The following PLEKHA6 variants were observed in gnomAD, a reference collection of about 807,000 sequenced individuals.
The protein encoded by PLEKHA6 is pleckstrin homology domain containing A6.
In PLEKHA6, 60 loss-of-function variants were observed where a neutral mutation model predicts 116.7. The ratio of observed to expected loss-of-function variants is 0.51; its 90% CI spans 0.42 to 0.64. PLEKHA6 has a LOEUF of 0.64. PLEKHA6 is among the 30% of genes least tolerant of loss of function. The pLI is 0.00. For synonymous variants in PLEKHA6, 489 were observed against 556.1 expected, an observed-to-expected ratio of 0.88 and a Z score of 1.70; for missense variants, 1,338 against 1,422.7, an observed-to-expected ratio of 0.94 and a Z score of 0.96.
chr1:204,244,387 C>T (rs147721541), intron 15 of PLEKHA6, among the ~76,000 whole-genome samples: 405 of 152,042 alleles, frequency 2.7e-3, no homozygotes, highest in Non-Finnish European at 4.7e-3. Flanking sequence ...GCGATCCACC[C>T]GCCTTGGCCT....
chr1:204,255,302 C>T (rs1017117375), intron 9 of PLEKHA6, among the ~76,000 whole-genome samples: 1 of 152,134 alleles, frequency 6.6e-6, no homozygotes, highest in African/African-American at 2.4e-5. Context: ...TCTGCGACTC[C>T]CTCCTCTCGC....
In PLEKHA6 at chr1:204,316,103, G is replaced by A. The variant is rs538819439; in HGVS notation, c.-94-41294C>T. Among the ~76,000 whole-genome samples, 6 of 152,330 alleles carry A rather than the reference G, an allele frequency of 3.9e-5. No individual in the cohort carries two copies. The East Asian group carries it at 9.6e-4, about 24-fold the overall frequency. ...CGATGCATGTAATGCAATGCGCGAGGTGGCTCCCGCTCAATAAATATTTTC... is the reference window on the plus strand; with the variant it reads ...CGATGCATGTAATGCAATGCGCGAGATGGCTCCCGCTCAATAAATATTTTC... On this transcript the variant is annotated intron_variant, in intron 1 of 22. Coordinates refer to ENST00000272203, the MANE Select transcript of PLEKHA6 (RefSeq NM_014935.5).
At chr1:204,256,237 C>G (rs1665264931) in intron 9 of PLEKHA6, among the ~76,000 whole-genome samples, 1 of 152,052 alleles carries the variant, frequency 6.6e-6, no homozygotes, top group Non-Finnish European at 1.5e-5. Flanking sequence ...CCTCCCCAAC[C>G]CTCCCAAGTG....
At chr1:204,281,000 A>G (rs938629564) in intron 1 of PLEKHA6, 2 of 984,736 alleles carry the variant, frequency 2.0e-6, no homozygotes, top group Admixed American at 1.2e-4. Flanking sequence ...ACTTCTAGGT[A>G]TTTGCAGGTG....
chr1:204,374,882 C>A (rs1277322676), intron 1 of PLEKHA6, among the ~76,000 whole-genome samples: 1 of 152,186 alleles, frequency 6.6e-6, no homozygotes, highest in Non-Finnish European at 1.5e-5. Context: ...GTTCCCAGCT[C>A]TCTCCTGAAA....
chr1:204,256,838 G>A, intron 9 of PLEKHA6: 1 of 665,802 alleles, frequency 1.5e-6, no homozygotes. Flanking sequence ...GTGGGTAGTT[G>A]TAGGGGAACA....
At chr1:204,254,618 G>A (rs1261507171) in intron 9 of PLEKHA6, among the ~76,000 whole-genome samples, 1 of 152,092 alleles carries the variant, frequency 6.6e-6, no homozygotes, top group Non-Finnish European at 1.5e-5. Context: ...CAACCTCTCT[G>A]TGCTTTAGTT....
At position 204,245,649 on chromosome 1, in the gene PLEKHA6, G is replaced by A; in HGVS notation, c.1998C>T (p.Asn666=). 2 of 1,613,452 alleles carry A rather than the reference G, an allele frequency of 1.2e-6. No homozygotes were observed. Among genetic ancestry groups the A allele is most frequent in the Non-Finnish European group, 1.7e-6 (2 of 1,179,566 alleles). The change falls in exon 14 of 23, where the codon AAC becomes AAT. Residue 666 remains asparagine (N), a synonymous_variant. Transcript: ENST00000272203. ...TGGCGGTGTCCGTGCCCCGGGAGGGGTTGTTCTTCCTCAGCCCCTCCATCA... is the reference window on the plus strand; with the variant it reads ...TGGCGGTGTCCGTGCCCCGGGAGGGATTGTTCTTCCTCAGCCCCTCCATCA... ...QDVMEGLRKN[N]PSRGTDTAKH...
intron 1 of PLEKHA6, chr1:204,301,356 A>G: frequency 1.0e-6 from 1 of 966,940 alleles, no homozygotes; most frequent in Non-Finnish European, 1.2e-6. Flanking sequence ...TTGGCATGGG[A>G]CAGGGGAGAG....
chr1:204,256,804 T>C (rs995455622), intron 9 of PLEKHA6: 8 of 634,440 alleles, frequency 1.3e-5, no homozygotes, highest in Non-Finnish European at 2.3e-5. Context: ...GGACGTACCA[T>C]CTTATCGTGG....
At chr1:204,234,656 C>T (rs1367378357) in intron 17 of PLEKHA6, among the ~76,000 whole-genome samples, 2 of 151,864 alleles carry the variant, frequency 1.3e-5, no homozygotes, top group Admixed American at 1.3e-4. Flanking sequence ...AAGGTGTTGC[C>T]AAAACAGATT....
chr1:204,274,398 T>C (rs1398037700), intron 2 of PLEKHA6, among the ~76,000 whole-genome samples: 3 of 152,204 alleles, frequency 2.0e-5, no homozygotes, highest in Non-Finnish European at 4.4e-5. Context: ...GGAATTAGCA[T>C]TTGGCTCTCA....
intron 6 of PLEKHA6, among the ~76,000 whole-genome samples, chr1:204,263,708 T>G (rs1464094906): frequency 6.6e-6 from 1 of 151,930 alleles, no homozygotes; most frequent in Non-Finnish European, 1.5e-5. Context: ...ACAGGTCTGG[T>G]GGGGAGGGTG....
At chr1:204,280,161 A>T in intron 1 of PLEKHA6, 1 of 265,826 alleles carries the variant, frequency 3.8e-6, no homozygotes, top group Non-Finnish European at 5.8e-6. Context: ...GCACCTATTT[A>T]AAGCTTTCCT....
At chr1:204,256,238 C>T (rs1665265491) in intron 9 of PLEKHA6, among the ~76,000 whole-genome samples, 1 of 152,074 alleles carries the variant, frequency 6.6e-6, no homozygotes, top group Non-Finnish European at 1.5e-5. Context: ...CTCCCCAACC[C>T]TCCCAAGTGG....
intron 1 of PLEKHA6, among the ~76,000 whole-genome samples, chr1:204,327,562 T>G (rs1285682761): frequency 2.0e-5 from 3 of 152,238 alleles, no homozygotes; most frequent in Non-Finnish European, 4.4e-5. Flanking sequence ...CAAGCAGACT[T>G]CCTCATCTGT....
At chr1:204,366,093 G>A (rs1431422138) in intron 3 of PLEKHA6, among the ~76,000 whole-genome samples, 3 of 152,250 alleles carry the variant, frequency 2.0e-5, no homozygotes, top group African/African-American at 7.2e-5. Flanking sequence ...TGGGACACGA[G>A]GTCAGAGAGG....
intron 4 of PLEKHA6, 70 bp downstream of exon 4, chr1:204,268,138 C>A: frequency 1.0e-6 from 1 of 981,888 alleles, no homozygotes; most frequent in African/African-American, 1.6e-5. Flanking sequence ...CTGTCATAAG[C>A]ACAGAGGAAT....
At chr1:204,354,775 G>T (rs1673371303) in intron 1 of PLEKHA6, among the ~76,000 whole-genome samples, 1 of 152,218 alleles carries the variant, frequency 6.6e-6, no homozygotes, top group Non-Finnish European at 1.5e-5. Flanking sequence ...AGATAAGCTT[G>T]CGCTACTTTA....
Sources: gnomAD v4.1 joint callset for allele counts (sites outside exome capture counted in the v4.1 genomes callset) on GRCh38, gnomAD v4.1.1 for gene constraint, MANE v1.5 for transcripts, NCBI Gene and HGNC (gene_info 2026-07-23, HGNC 2026-07-21) for gene names.